Variants in XPO6 observed in about 807,000 individuals in gnomAD.
The protein encoded by XPO6 is exportin-6.
XPO6 carries 3 observed loss-of-function variants against 130.0 expected under a neutral mutation model. The observed-to-expected ratio is 0.02, with a 90% confidence interval of 0.01 to 0.06. The LOEUF (loss-of-function observed/expected upper bound fraction) is 0.06. Among genes scored for constraint, XPO6 ranks in the 10% least tolerant of loss-of-function variants. The pLI, the probability that XPO6 is intolerant of heterozygous loss-of-function variation, is 1.00. For synonymous variants in XPO6, 524 were observed against 548.9 expected (o/e 0.95, Z 0.63); for missense variants, 970 against 1,393.0 (o/e 0.70, Z 4.83).
At chr16:28,154,051 C>G in intron 7 of XPO6, 1 of 985,130 alleles carries the variant, frequency 1.0e-6, no homozygotes, top group Non-Finnish European at 1.2e-6. Context: ...ACTCGAAAAA[C>G]AGTAAGGCAC....
chr16:28,098,707 T>A, intron 23 of XPO6, 68 bp from the exon 24 acceptor site: 1 of 1,196,558 alleles, frequency 8.4e-7, no homozygotes, highest in Non-Finnish European at 1.2e-6. Flanking sequence ...CCCCAACAGC[T>A]ACTTCCATCC....
intron 5 of XPO6, among the ~76,000 whole-genome samples, chr16:28,168,182 G>T (rs1055059508): frequency 2.6e-5 from 4 of 152,104 alleles, no homozygotes; most frequent in Non-Finnish European, 5.9e-5. Context: ...TTTAGTTGGG[G>T]TGTCAAAAAA....
intron 1 of XPO6, among the ~76,000 whole-genome samples, chr16:28,204,096 A>C (rs904172033): frequency 1.3e-5 from 2 of 151,998 alleles, no homozygotes; most frequent in Non-Finnish European, 2.9e-5. Flanking sequence ...AACACCCAAG[A>C]CCTCAACAAC....
chr16:28,166,626 T>C (rs1051842965), intron 5 of XPO6, 41 bp from the exon 6 acceptor site: 2 of 1,553,660 alleles, frequency 1.3e-6, no homozygotes, highest in African/African-American at 1.4e-5. Flanking sequence ...AGAAATAATG[T>C]CCAGCATATA....
Position 28,104,594 on chromosome 16 carries a change from G to C in XPO6, c.2898C>G (p.Ile966Met). ...STVLASVQRG[I>M]AEEQMENEPQ... ...GCTCATTCTCCATCTGCTCCTCAGC[G>C]ATCCCCCTCTGGACACTGGCCAGCA... is the stretch of plus-strand genomic sequence containing the variant. The change falls in exon 21 of 24, where the codon ATC becomes ATG. Residue 966 changes from isoleucine (I) to methionine (M), a missense_variant. Around this residue, in one of 4 missense-constraint regions of XPO6, gnomAD observed 936 missense variants for 1,306.8 expected, o/e 0.72. Transcript: ENST00000304658. 6.2e-7 allele frequency: 1 copy of C among 1,614,204 alleles called. No individual in the cohort carries two copies. Among genetic ancestry groups the C allele is most frequent in the Middle Eastern group, 1.6e-4 (1 of 6,062 alleles).
intron 13 of XPO6, among the ~76,000 whole-genome samples, chr16:28,125,081 G>A (rs181766514): frequency 3.3e-5 from 5 of 152,346 alleles, no homozygotes; most frequent in African/African-American, 1.2e-4. Context: ...AAGTGCATCT[G>A]TAAACCTGGT....
Position 28,101,322 on chromosome 16 carries a change from C to T in XPO6, c.3276+136G>A, listed in dbSNP as rs766235145. ...TACAGCACCAGGTCAGCAGGCATCT[C>T]GTGAGCTGCCGCCAAGCTGCAGGGT... On this transcript the variant is annotated intron_variant, in intron 23 of 23. Transcript: ENST00000304658. This position sits in a 1 kb window ranked among gnomAD's most constrained non-coding sequence, Gnocchi z 5.4. 9.2e-6 allele frequency: 7 copies of T among 759,830 alleles called. No homozygotes were observed. The highest frequency in any genetic ancestry group is 5.2e-5 in the African/African-American group (3 of 58,216). The allele number at this position is 759,830 out of a possible 1,614,324, so 47.1% of individuals were successfully genotyped here. A position where few individuals can be genotyped will look rare whatever the true frequency, so the allele number is the denominator to read the frequency against.
Position 28,117,397 on chromosome 16 carries a change from A to G in XPO6, c.1925T>C (p.Val642Ala). 2 of 1,614,188 alleles carry G rather than the reference A, an allele frequency of 1.2e-6. No homozygotes were observed. Among genetic ancestry groups the G allele is most frequent in the Non-Finnish European group, 1.7e-6 (2 of 1,180,032 alleles). ...SHWLAQYCSE[V>A]HRQNTQQFVT... Reference sequence around the variant, plus strand: ...GAACTGCTGCGTGTTCTGCCGGTGAACTTCACTGCAATACTGTGCTAACCA... The same window carrying G: ...GAACTGCTGCGTGTTCTGCCGGTGAGCTTCACTGCAATACTGTGCTAACCA... Residue 642 changes from valine (V) to alanine (A), a missense_variant, in exon 15 of 24, where the codon GTT (valine) becomes GCT (alanine). Val to Ala is a moderately conservative substitution (Grantham distance 64). This residue lies in a region of XPO6 where 936 missense variants were observed against 1,306.8 expected (regional missense o/e 0.72). Transcript: ENST00000304658.
chr16:28,209,186 C>T (rs528196327), intron 1 of XPO6: 3 of 152,082 alleles, frequency 2.0e-5, no homozygotes, highest in Admixed American at 6.6e-5. Context: ...TGAAAAAAGA[C>T]GGGTACAGGT....
At position 28,140,921 on chromosome 16, in the gene XPO6, C is replaced by T. The variant is rs887118996; in HGVS notation, c.1334+5173G>A. Among the ~76,000 whole-genome samples, 11 of 152,220 alleles carry T rather than the reference C, an allele frequency of 7.2e-5. No homozygotes were observed. The East Asian group carries it at 2.1e-3, about 29-fold the overall frequency. On this transcript the variant is annotated intron_variant, in intron 9 of 23. Coordinates refer to ENST00000304658, the MANE Select transcript of XPO6 (RefSeq NM_015171.4). ...ACACAGGTGATAAACAGACAAAATTCCAAGTCAGGTAAATACAAAGGATTG... is the reference window on the plus strand; with the variant it reads ...ACACAGGTGATAAACAGACAAAATTTCAAGTCAGGTAAATACAAAGGATTG...
At chr16:28,181,084 T>C in intron 1 of XPO6, 53 bp from the exon 2 acceptor site, 1 of 1,360,308 alleles carries the variant, frequency 7.4e-7, no homozygotes, top group Non-Finnish European at 1.0e-6. Flanking sequence ...AGTTCCACTG[T>C]TCCTCAGTTC....
intron 14 of XPO6, among the ~76,000 whole-genome samples, chr16:28,118,509 T>C (rs973130313): frequency 5.3e-5 from 8 of 152,074 alleles, no homozygotes; most frequent in African/African-American, 1.9e-4. Context: ...TACAGGTCCA[T>C]GCCACCATGC....
chr16:28,185,322 T>C (rs1306459783), intron 1 of XPO6, among the ~76,000 whole-genome samples: 1 of 152,084 alleles, frequency 6.6e-6, no homozygotes, highest in Non-Finnish European at 1.5e-5. Context: ...ATTGCACCAA[T>C]GCACTCTAGC....
chr16:28,210,179 C>T (rs1484764135), intron 1 of XPO6, among the ~76,000 whole-genome samples: 2 of 152,176 alleles, frequency 1.3e-5, no homozygotes, highest in Admixed American at 6.5e-5. Context: ...ATATACTGTA[C>T]GGTGCTGCTC....
intron 13 of XPO6, among the ~76,000 whole-genome samples, chr16:28,124,881 C>T (rs1176664380): frequency 6.6e-6 from 1 of 152,208 alleles, no homozygotes; most frequent in Non-Finnish European, 1.5e-5. Flanking sequence ...ACCAGTGATG[C>T]GGCTGCTGGG....
intron 1 of XPO6, among the ~76,000 whole-genome samples, chr16:28,186,838 A>G (rs1251026241): frequency 6.6e-6 from 1 of 152,082 alleles, no homozygotes; most frequent in Non-Finnish European, 1.5e-5. Flanking sequence ...ACACCGCTCC[A>G]ATTATTCTAA....
At chr16:28,189,732 T>C (rs8051453) in intron 1 of XPO6, among the ~76,000 whole-genome samples, 87,518 of 152,118 alleles carry the variant, frequency 0.58, 27,542 homozygotes, top group South Asian at 0.72. Context: ...TCTTGTTTTC[T>C]TGTCTGCAGC....
At chr16:28,141,305 C>T (rs2042887066) in intron 9 of XPO6, among the ~76,000 whole-genome samples, 1 of 152,192 alleles carries the variant, frequency 6.6e-6, no homozygotes, top group Non-Finnish European at 1.5e-5. Flanking sequence ...TTCACACACT[C>T]AGGTTTCTTC....
At chr16:28,156,018 G>A (rs773374027) in intron 7 of XPO6, 56 bp downstream of exon 7, 40 of 1,542,614 alleles carry the variant, frequency 2.6e-5, no homozygotes, top group Non-Finnish European at 3.3e-5. Context: ...GCACAGCATG[G>A]TAAACAGTCA....
Sources: allele counts gnomAD v4.1 joint callset (sites outside exome capture counted in the v4.1 genomes callset), GRCh38; gene constraint gnomAD v4.1.1; regional missense constraint gnomAD v4.1.1; non-coding constraint Gnocchi (gnomAD v3.1); transcripts MANE v1.5; gene names NCBI Gene and HGNC (gene_info 2026-07-23, HGNC 2026-07-21).